The following CDKAL1 variants were observed in gnomAD, a reference collection of about 807,000 sequenced individuals.
The protein encoded by CDKAL1 is threonylcarbamoyladenosine tRNA methylthiotransferase.
In CDKAL1, 32 loss-of-function variants were observed where a neutral mutation model predicts 68.2. The ratio of observed to expected loss-of-function variants is 0.47; its 90% CI spans 0.35 to 0.63. CDKAL1 has a LOEUF of 0.63. Ranked by LOEUF, CDKAL1 falls within the 30% of genes least tolerant of loss-of-function variation. CDKAL1 has a pLI of 0.00. For missense variants in CDKAL1, 606 were observed against 696.7 expected, an observed-to-expected ratio of 0.87 and a Z score of 1.47; for synonymous variants, 234 against 244.3, an observed-to-expected ratio of 0.96 and a Z score of 0.39.
intron 4 of CDKAL1, among the ~76,000 whole-genome samples, chr6:20,566,994 A>G (rs1413331826): frequency 6.6e-6 from 1 of 152,076 alleles, no homozygotes; most frequent in Non-Finnish European, 1.5e-5. Context: ...TACAGAGAAT[A>G]TACTAGGAGG....
rs1561923510 is a variant in CDKAL1, at chr6:20,557,062, T to TA, written c.286+8360dup. Among the ~76,000 whole-genome samples the TA allele has an allele frequency of 5.2e-5, 7 of 134,804 alleles. No individual in the cohort carries two copies. In the East Asian group the frequency reaches 6.5e-4, roughly 13 times the overall value. The allele number at this position is 134,804 out of a possible 152,430, so 88.4% of individuals were successfully genotyped here. On this transcript the variant is annotated intron_variant, in intron 4 of 15. Coordinates refer to ENST00000274695, the MANE Select transcript of CDKAL1 (RefSeq NM_017774.3). ...ATCTCAAAAAAAAAAAATAAATAAA[T>TA]AAATAAATAAATAAATAAATAAATG...
chr6:20,570,973 T>A (rs946536565), intron 4 of CDKAL1, among the ~76,000 whole-genome samples: 1 of 152,148 alleles, frequency 6.6e-6, no homozygotes, highest in African/African-American at 2.4e-5. Flanking sequence ...TCCCACTAGA[T>A]TAAAAAATTC....
At chr6:20,798,986 T>C (rs1231641867) in intron 8 of CDKAL1, among the ~76,000 whole-genome samples, 18 of 145,576 alleles carry the variant, frequency 1.2e-4, no homozygotes, top group African/African-American at 4.5e-4. Flanking sequence ...TGGAACAAAG[T>C]CATCTGGACT....
chr6:21,165,615 C>T (rs139917486), intron 13 of CDKAL1, among the ~76,000 whole-genome samples: 90 of 152,252 alleles, frequency 5.9e-4, no homozygotes, highest in Middle Eastern at 6.8e-3. Flanking sequence ...ACTGTGTTGA[C>T]GTATAGTTCT....
chr6:20,716,755 T>C (rs1772116078), intron 5 of CDKAL1, among the ~76,000 whole-genome samples: 1 of 151,562 alleles, frequency 6.6e-6, no homozygotes, highest in Admixed American at 6.6e-5. Context: ...ATTTACTAGA[T>C]ACCTGAGTTG....
At chr6:21,113,911 G>C (rs1159633054) in intron 13 of CDKAL1, among the ~76,000 whole-genome samples, 2 of 151,862 alleles carry the variant, frequency 1.3e-5, no homozygotes, top group Admixed American at 6.6e-5. Flanking sequence ...CTGCTCTCCA[G>C]CCTGGGCAAC....
chr6:20,774,270 G>T (rs1324914873), intron 7 of CDKAL1, among the ~76,000 whole-genome samples: 1 of 152,204 alleles, frequency 6.6e-6, no homozygotes, highest in East Asian at 1.9e-4. Flanking sequence ...TCTGTAATAT[G>T]AATGATACTC....
intron 7 of CDKAL1, among the ~76,000 whole-genome samples, chr6:20,770,565 CTGTCATTT>C (rs1434003958): frequency 6.6e-6 from 1 of 152,178 alleles, no homozygotes; most frequent in African/African-American, 2.4e-5. Flanking sequence ...ATGCCCAACA[CTGTCATTT>C]TTAAAAATTA....
At chr6:20,851,029 T>C (rs74761576) in intron 9 of CDKAL1, among the ~76,000 whole-genome samples, 1 of 152,098 alleles carries the variant, frequency 6.6e-6, no homozygotes. Flanking sequence ...CGTTTTTTTT[T>C]TCTCTCTCTC....
At chr6:20,879,345 G>A (rs539649601) in intron 9 of CDKAL1, among the ~76,000 whole-genome samples, 1 of 152,326 alleles carries the variant, frequency 6.6e-6, no homozygotes, top group African/African-American at 2.4e-5. Flanking sequence ...CTGGTCAGGA[G>A]GAGTAGAGTA....
intron 2 of CDKAL1, among the ~76,000 whole-genome samples, chr6:20,540,644 C>T (rs1763354749): frequency 6.6e-6 from 1 of 151,620 alleles, no homozygotes; most frequent in African/African-American, 2.4e-5. Flanking sequence ...TTAGTAGAGA[C>T]GAGGTGTCAC....
intron 12 of CDKAL1, among the ~76,000 whole-genome samples, chr6:21,083,181 A>G (rs1348806865): frequency 1.3e-5 from 2 of 152,162 alleles, no homozygotes; most frequent in Non-Finnish European, 2.9e-5. Context: ...TATGTTTCAT[A>G]TATACCTTAT....
intron 2 of CDKAL1, among the ~76,000 whole-genome samples, chr6:20,544,965 TTGTGTGTG>T (rs70990042): frequency 2.0e-5 from 3 of 149,364 alleles, no homozygotes; most frequent in Non-Finnish European, 3.0e-5. Context: ...GATTACAGTT[TTGTGTGTG>T]TGTGTGTGTG....
At position 20,616,101 on chromosome 6, in the gene CDKAL1, C is replaced by T. The variant is rs1312178174; in HGVS notation, c.287-33192C>T. 4.9e-3 allele frequency among the ~76,000 whole-genome samples: 729 copies of T among 148,358 alleles called. 3 individuals are homozygous for T. Among genetic ancestry groups the T allele is most frequent in the Non-Finnish European group, 8.1e-3 (538 of 66,392 alleles). On this transcript the variant is annotated intron_variant, in intron 4 of 15. Transcript: ENST00000274695. The stretch of plus-strand genomic sequence containing the variant: ...AGATCAGATAGTTGTAGATATGCGG[C>T]GTTATTTCTGAGGGCTCTGTTCTGT...
At chr6:20,637,952 T>C (rs767301345) in intron 4 of CDKAL1, among the ~76,000 whole-genome samples, 5 of 152,216 alleles carry the variant, frequency 3.3e-5, no homozygotes, top group Non-Finnish European at 5.9e-5. Context: ...TAGAGGTTAT[T>C]CATTTGTTTA....
intron 13 of CDKAL1, among the ~76,000 whole-genome samples, chr6:21,114,411 G>A (rs773762304): frequency 2.0e-5 from 3 of 151,934 alleles, no homozygotes; most frequent in African/African-American, 4.8e-5. Context: ...TAGTCTTTGA[G>A]ATTTTTATTA....
chr6:21,069,170 A>G (rs1251971439), intron 12 of CDKAL1, among the ~76,000 whole-genome samples: 1 of 151,972 alleles, frequency 6.6e-6, no homozygotes, highest in East Asian at 1.9e-4. Context: ...TCCTTTTCTT[A>G]TCTTACTATA....
intron 4 of CDKAL1, among the ~76,000 whole-genome samples, chr6:20,583,983 T>G (rs1655647675): frequency 6.6e-6 from 1 of 151,722 alleles, no homozygotes; most frequent in African/African-American, 2.4e-5. Flanking sequence ...TAATTCAGAT[T>G]ACAGGATCTG....
chr6:20,543,349 T>C (rs1763461756), intron 2 of CDKAL1, among the ~76,000 whole-genome samples: 1 of 152,254 alleles, frequency 6.6e-6, no homozygotes. Flanking sequence ...TGTTGTCTGT[T>C]TTATCCATTC....
Sources: allele counts gnomAD v4.1 joint callset (sites outside exome capture counted in the v4.1 genomes callset), GRCh38; gene constraint gnomAD v4.1.1; transcripts MANE v1.5; gene names NCBI Gene and HGNC (gene_info 2026-07-23, HGNC 2026-07-21).